Variants in ACSM3 observed in about 807,000 individuals in gnomAD.
The protein encoded by ACSM3 is acyl-CoA synthetase medium chain family member 3, also known as acyl-coenzyme A synthetase ACSM3, mitochondrial.
In ACSM3, 61 loss-of-function variants were observed where a neutral mutation model predicts 74.1. The ratio of observed to expected loss-of-function variants is 0.82; its 90% CI spans 0.67 to 1.02. The LOEUF (loss-of-function observed/expected upper bound fraction) is 1.02, where lower values mean the gene tolerates loss of function less well. Among genes scored for constraint, ACSM3 ranks in the 50% least tolerant of loss-of-function variants. The pLI, the probability that ACSM3 is intolerant of heterozygous loss-of-function variation, is 0.00. For missense variants in ACSM3, 660 were observed against 697.0 expected, an observed-to-expected ratio of 0.95 and a Z score of 0.60; for synonymous variants, 213 against 241.5, an observed-to-expected ratio of 0.88 and a Z score of 1.09.
At chr16:20,746,061 C>G (rs540093718) in intron 1 of ACSM3, among the ~76,000 whole-genome samples, 2 of 152,186 alleles carry the variant, frequency 1.3e-5, no homozygotes, top group African/African-American at 2.4e-5. Flanking sequence ...CTGCTTTGGC[C>G]ATGACCTGGC....
At chr16:20,763,633 C>T (rs1402638224), upstream of ACSM3, 1 of 152,156 alleles carries the variant, frequency 6.6e-6, no homozygotes, top group Non-Finnish European at 1.5e-5. Flanking sequence ...TTAGTCCTGC[C>T]ACTTCGACAG....
At chr16:20,684,597 T>A (rs981301215) in intron 1 of ACSM3, among the ~76,000 whole-genome samples, 3 of 152,222 alleles carry the variant, frequency 2.0e-5, no homozygotes, top group African/African-American at 7.2e-5. Flanking sequence ...ACAACTTGCA[T>A]TCTTCAAAAA....
intron 2 of ACSM3, among the ~76,000 whole-genome samples, chr16:20,774,966 G>T (rs1316823561): frequency 2.0e-5 from 3 of 152,180 alleles, no homozygotes; most frequent in Non-Finnish European, 4.4e-5. Context: ...GGCTCAGGAA[G>T]GCAGCTCTCA....
intron 1 of ACSM3, among the ~76,000 whole-genome samples, chr16:20,708,230 G>T: frequency 6.6e-6 from 1 of 152,268 alleles, no homozygotes; most frequent in East Asian, 1.9e-4. Context: ...GAACCCAGGA[G>T]GTGGAGGTTG....
intron 1 of ACSM3, chr16:20,718,353 C>T (rs1239225971): frequency 1.5e-5 from 14 of 924,326 alleles, no homozygotes; most frequent in African/African-American, 1.2e-4. Flanking sequence ...TTTGCAGATC[C>T]GCCTCTGAAG....
chr16:20,789,450 G>C lies in ACSM3; in HGVS notation c.1225-1137G>C, dbSNP rs748789951. On this transcript the variant is annotated intron_variant, in intron 9 of 13. Transcript: ENST00000289416. ...GGGAATGATGAGGATTGGAGAGAGGGTAAGAGAGCAAGGCTGTGGCTTACT... is the reference window on the plus strand; with the variant it reads ...GGGAATGATGAGGATTGGAGAGAGGCTAAGAGAGCAAGGCTGTGGCTTACT... 5.3e-6 allele frequency: 8 copies of C among 1,521,110 alleles called. No individual in the cohort carries two copies. The East Asian group carries it at 1.8e-4, about 34-fold the overall frequency. 94.2% of individuals were successfully genotyped at this position (1,521,110 alleles called of 1,614,324 possible).
intron 1 of ACSM3, among the ~76,000 whole-genome samples, chr16:20,716,526 T>C (rs946229858): frequency 6.6e-6 from 1 of 152,012 alleles, no homozygotes; most frequent in Non-Finnish European, 1.5e-5. Flanking sequence ...TGTTGGTTGC[T>C]CTCCCAGGCT....
chr16:20,770,677 G>A (rs2152455689), intron 2 of ACSM3, among the ~76,000 whole-genome samples: 2 of 152,272 alleles, frequency 1.3e-5, no homozygotes, highest in African/African-American at 2.4e-5. Context: ...AATGGGAAAT[G>A]ATTTGGGCCA....
chr16:20,797,252 A>G lies in ACSM3; in HGVS notation c.*280A>G. 1.0e-5 allele frequency: 11 copies of G among 1,102,582 alleles called. No individual in the cohort carries two copies. The highest frequency in any genetic ancestry group is 1.2e-5 in the Non-Finnish European group (11 of 908,982). The allele number at this position is 1,102,582 out of a possible 1,614,324, so 68.3% of individuals were successfully genotyped here. On this transcript the variant is annotated 3_prime_UTR_variant, in exon 14 of 14. Transcript: ENST00000289416. The stretch of plus-strand genomic sequence containing the variant: ...ATGTATAGTATAGAAGCAGTTTCTG[A>G]ACCAGATCTCTGCTACATAGGTTTT...
At chr16:20,742,794 T>A (rs1444114014) in intron 1 of ACSM3, among the ~76,000 whole-genome samples, 2 of 123,368 alleles carry the variant, frequency 1.6e-5, no homozygotes, top group South Asian at 2.6e-4. Context: ...TGCGTGTAAA[T>A]ATATATATAT....
At chr16:20,757,441 A>T (rs368774211) in intron 3 of ACSM3, among the ~76,000 whole-genome samples, 2 of 150,060 alleles carry the variant, frequency 1.3e-5, no homozygotes, top group Middle Eastern at 3.2e-3. Flanking sequence ...CTGTTTGTCT[A>T]TTATTGGTGT....
At chr16:20,686,522 C>A (rs1020408806) in intron 1 of ACSM3, among the ~76,000 whole-genome samples, 1 of 152,106 alleles carries the variant, frequency 6.6e-6, no homozygotes, top group Non-Finnish European at 1.5e-5. Context: ...CTAATGCATG[C>A]GGGGTTTAAA....
upstream of ACSM3, among the ~76,000 whole-genome samples, chr16:20,763,076 C>T (rs2080090554): frequency 1.1e-5 from 1 of 89,806 alleles, no homozygotes. Context: ...ACAAATTCCT[C>T]TTTAAGTAAA....
At chr16:20,675,081 G>A (rs1313514789) in intron 1 of ACSM3, among the ~76,000 whole-genome samples, 1 of 152,166 alleles carries the variant, frequency 6.6e-6, no homozygotes, top group Non-Finnish European at 1.5e-5. Flanking sequence ...CACCCCAACT[G>A]GGAGTGTGTG....
In ACSM3 at chr16:20,705,110, C is replaced by T. The variant is rs554231852; in HGVS notation, c.-190+30288C>T. On this transcript the variant is annotated intron_variant, in intron 1 of 3. Coordinates refer to the ACSM3 transcript ENST00000561584. ...CTTCAGGGCCAGGTGCGGTGGCTCA[C>T]GCCTGTAATCCCAGCACTTTGGGAG... Among the ~76,000 whole-genome samples, 4 of 152,266 alleles carry T rather than the reference C, an allele frequency of 2.6e-5. No homozygotes were observed. The South Asian group carries it at 6.2e-4, about 24-fold the overall frequency.
At chr16:20,725,297 T>C (rs2079800789) in intron 1 of ACSM3, 1 of 191,038 alleles carries the variant, frequency 5.2e-6, no homozygotes, top group Non-Finnish European at 1.2e-5. Flanking sequence ...AGGGTGTAGA[T>C]ATCAGCTCCA....
intron 1 of ACSM3, among the ~76,000 whole-genome samples, chr16:20,727,094 T>C (rs571460100): frequency 6.6e-6 from 1 of 152,220 alleles, no homozygotes; most frequent in African/African-American, 2.4e-5. Flanking sequence ...ACATCTTTAA[T>C]AGCTAAGTTC....
intron 10 of ACSM3, 72 bp from the exon 11 acceptor site, chr16:20,791,930 A>G: frequency 6.5e-7 from 1 of 1,533,188 alleles, no homozygotes; most frequent in African/African-American, 1.4e-5. Flanking sequence ...TGTCTCGGAA[A>G]AAAAAAAAAA....
intron 2 of ACSM3, among the ~76,000 whole-genome samples, chr16:20,753,915 GA>G (rs888278154): frequency 2.1e-4 from 31 of 150,596 alleles, no homozygotes; most frequent in African/African-American, 5.4e-4. Context: ...ATGAAAGAAA[GA>G]AAAAAAAGAC....
Sources: allele counts gnomAD v4.1 joint callset (sites outside exome capture counted in the v4.1 genomes callset), GRCh38; gene constraint gnomAD v4.1.1; transcripts MANE v1.5; gene names NCBI Gene and HGNC (gene_info 2026-07-23, HGNC 2026-07-21).